Variants in ZBTB16 observed in about 807,000 individuals in gnomAD.
ZBTB16 encodes the protein zinc finger and BTB domain-containing protein 16.
ZBTB16 carries 8 observed loss-of-function variants against 56.8 expected under a neutral mutation model. That is an observed-to-expected ratio of 0.14 (90% CI 0.08 to 0.25). The LOEUF (loss-of-function observed/expected upper bound fraction) is 0.25. Ranked by LOEUF, ZBTB16 falls within the 10% of genes least tolerant of loss-of-function variation. ZBTB16 has a pLI of 1.00. For missense variants in ZBTB16, 625 were observed against 903.0 expected (o/e 0.69, Z 3.95); for synonymous variants, 363 against 368.5 (o/e 0.98, Z 0.17).
chr11:114,106,809 C>A (rs779323050), intron 2 of ZBTB16, among the ~76,000 whole-genome samples: 4 of 152,154 alleles, frequency 2.6e-5, no homozygotes, highest in Non-Finnish European at 5.9e-5. Flanking sequence ...AAATCTAGCT[C>A]TTTTTCATTC....
chr11:114,217,455 C>G (rs1944130283), intron 4 of ZBTB16, among the ~76,000 whole-genome samples: 1 of 152,080 alleles, frequency 6.6e-6, no homozygotes, highest in African/African-American at 2.4e-5. Context: ...GACCTAGAGG[C>G]CTTCGGGGTG....
chr11:114,106,156 G>A (rs965120688), intron 2 of ZBTB16, among the ~76,000 whole-genome samples: 1 of 152,066 alleles, frequency 6.6e-6, no homozygotes, highest in Non-Finnish European at 1.5e-5. Flanking sequence ...GTTCTGGATG[G>A]TGCCTCTCTG....
rs779628774 is a variant in ZBTB16, at chr11:114,252,627, T to A, written c.*2072T>A. Among the ~76,000 whole-genome samples, 116 of 152,306 alleles carry A rather than the reference T, an allele frequency of 7.6e-4. No individual in the cohort carries two copies. The highest frequency in any genetic ancestry group is 1.2e-3 in the Non-Finnish European group (83 of 68,032). On this transcript the variant is annotated 3_prime_UTR_variant, in exon 7 of 7. Transcript: ENST00000335953. ...TCTCATGCTTTATGTGTAAGAGTTT[T>A]TTATTATTATTTTTTCTTTCCTTTC...
At position 114,253,872 on chromosome 11, in the gene ZBTB16, G is replaced by A. The variant is rs1420629319; in HGVS notation, c.*3317G>A. On this transcript the variant is annotated 3_prime_UTR_variant, in exon 7 of 7. Transcript: ENST00000335953. Reference sequence around the variant, plus strand: ...GTAGACAGGGGTCTCTCCCCAGGTGGGATCTGAATATCTGTCCTCCCCTCT... The same window carrying A: ...GTAGACAGGGGTCTCTCCCCAGGTGAGATCTGAATATCTGTCCTCCCCTCT... Among the ~76,000 whole-genome samples the A allele has an allele frequency of 2.0e-5, 3 of 152,084 alleles. No homozygotes were observed. Among genetic ancestry groups the A allele is most frequent in the African/African-American group, 4.8e-5 (2 of 41,400 alleles).
At chr11:114,160,542 A>G (rs535817592) in intron 3 of ZBTB16, among the ~76,000 whole-genome samples, 2 of 152,284 alleles carry the variant, frequency 1.3e-5, no homozygotes, top group South Asian at 4.1e-4. Flanking sequence ...ATCAGTTTTC[A>G]TTGTGTTGAA....
At chr11:114,112,840 T>C (rs35105351) in intron 2 of ZBTB16, among the ~76,000 whole-genome samples, 1 of 151,298 alleles carries the variant, frequency 6.6e-6, no homozygotes. Context: ...TATAGCTCAC[T>C]GTAGCCTCGA....
chr11:114,217,160 G>C (rs1226350541), intron 4 of ZBTB16, among the ~76,000 whole-genome samples: 2 of 152,212 alleles, frequency 1.3e-5, no homozygotes, highest in Admixed American at 6.5e-5. Context: ...GAACGTGGTG[G>C]ATACAGTTGG....
chr11:114,152,595 TC>T (rs1459576366), intron 2 of ZBTB16, among the ~76,000 whole-genome samples: 8 of 152,206 alleles, frequency 5.3e-5, no homozygotes, highest in Non-Finnish European at 1.2e-4. Flanking sequence ...TTGAGTCTGT[TC>T]CCCAGGAATG....
In ZBTB16 at chr11:114,064,247, C is replaced by T. The variant is rs1265584836; in HGVS notation, c.947C>T (p.Pro316Leu). ...CCCCCAGCTGAGGCTGGCCAGGCCC[C>T]CACTGGCCGACCTGAGCACCCAGCA... ...VPPPAEAGQA[P>L]TGRPEHPAPP... Residue 316 changes from proline to leucine, a missense_variant, in exon 2 of 7, where the codon CCC (proline) becomes CTC (leucine). Physicochemically the swap from Pro to Leu is moderately conservative, Grantham distance 98 (BLOSUM62 -3). This residue lies in a region of ZBTB16 where 384 missense variants were observed against 393.5 expected (regional missense o/e 0.98). Transcript: ENST00000335953. The surrounding 1 kb of genome is among the most constrained non-coding windows in gnomAD (Gnocchi z 4.2). 6.2e-7 allele frequency: 1 copy of T among 1,614,020 alleles called. No individual in the cohort carries two copies. The highest frequency in any genetic ancestry group is 2.2e-5 in the East Asian group (1 of 44,878).
chr11:114,075,446 A>G lies in ZBTB16; in HGVS notation c.1268+10878A>G, dbSNP rs181620393. Reference sequence around the variant, plus strand: ...ATACTTCAGTATTTTTTCCATTGTAAAATTAAGGGTTTTTTTTCTTTTTTT... The same window carrying G: ...ATACTTCAGTATTTTTTCCATTGTAGAATTAAGGGTTTTTTTTCTTTTTTT... On this transcript the variant is annotated intron_variant, in intron 2 of 6. Transcript: ENST00000335953. Among the ~76,000 whole-genome samples the G allele has an allele frequency of 1.9e-3, 286 of 148,890 alleles. 4 individuals are homozygous for G. The highest frequency in any genetic ancestry group is 0.013 in the Admixed American group (194 of 14,562).
At chr11:114,187,120 CT>C in intron 4 of ZBTB16, 82 bp downstream of exon 4, 1 of 1,371,404 alleles carries the variant, frequency 7.3e-7, no homozygotes, top group Non-Finnish European at 1.0e-6. Flanking sequence ...GTGGCAACCT[CT>C]TTTTAGCAAA....
At chr11:114,174,851 C>T (rs1029145491) in intron 3 of ZBTB16, among the ~76,000 whole-genome samples, 1 of 152,130 alleles carries the variant, frequency 6.6e-6, no homozygotes, top group Non-Finnish European at 1.5e-5. Context: ...GCCATAGACC[C>T]CAAAGACATC....
At chr11:114,125,357 C>T (rs971267891) in intron 2 of ZBTB16, among the ~76,000 whole-genome samples, 3 of 152,154 alleles carry the variant, frequency 2.0e-5, no homozygotes, top group African/African-American at 7.2e-5. Flanking sequence ...CCACTGGTTT[C>T]CTTCCTGATC....
At chr11:114,185,023 TAAATA>T (rs927877821) in intron 3 of ZBTB16, among the ~76,000 whole-genome samples, 1 of 150,502 alleles carries the variant, frequency 6.6e-6, no homozygotes, top group Non-Finnish European at 1.5e-5. Context: ...AATAAATAAA[TAAATA>T]AAATAAAATA....
intron 3 of ZBTB16, among the ~76,000 whole-genome samples, chr11:114,164,540 T>C (rs1185209341): frequency 6.6e-6 from 1 of 152,170 alleles, no homozygotes; most frequent in Non-Finnish European, 1.5e-5. Flanking sequence ...AGATATGGGG[T>C]TATTGGGGAG....
intron 3 of ZBTB16, among the ~76,000 whole-genome samples, chr11:114,163,133 TGGCTGATGAAAAATACATTTC>T (rs1448733128): frequency 6.6e-6 from 1 of 152,244 alleles, no homozygotes; most frequent in East Asian, 1.9e-4. Context: ...AATTATACAC[TGGCTGATGAAAAATACATTTC>T]TTTCCTCTCC....
At chr11:114,097,980 C>A (rs564146864) in intron 2 of ZBTB16, among the ~76,000 whole-genome samples, 2 of 152,110 alleles carry the variant, frequency 1.3e-5, no homozygotes, top group Non-Finnish European at 2.9e-5. Context: ...AGACTTGGTA[C>A]GTATGTGGTC....
chr11:114,062,217 C>T (rs1161663978), intron 1 of ZBTB16, among the ~76,000 whole-genome samples: 1 of 152,048 alleles, frequency 6.6e-6, no homozygotes, highest in Non-Finnish European at 1.5e-5. Context: ...GATTCTCCTG[C>T]CTCAGCCTCC....
intron 4 of ZBTB16, chr11:114,209,994 T>A (rs779576355): frequency 4.1e-6 from 4 of 981,792 alleles, no homozygotes; most frequent in Non-Finnish European, 4.8e-6. Context: ...TCAGACAAGT[T>A]GCTTGTCCTT....
Sources: gnomAD v4.1 joint callset for allele counts (sites outside exome capture counted in the v4.1 genomes callset) on GRCh38, gnomAD v4.1.1 for gene constraint, gnomAD v4.1.1 regional missense constraint, Gnocchi (gnomAD v3.1) non-coding constraint, MANE v1.5 for transcripts, NCBI Gene and HGNC (gene_info 2026-07-23, HGNC 2026-07-21) for gene names.